RASGRP4: variants seen among roughly 807,000 people sequenced by gnomAD.
RASGRP4 encodes the protein RAS guanyl releasing protein 4, also known as RAS guanyl-releasing protein 4.
In RASGRP4, 52 loss-of-function variants were observed where a neutral mutation model predicts 84.4. The observed-to-expected ratio is 0.62, with a 90% confidence interval of 0.49 to 0.78. RASGRP4 has a LOEUF of 0.78. RASGRP4 is among the 30% of genes least tolerant of loss of function. The pLI, the probability that RASGRP4 is intolerant of heterozygous loss-of-function variation, is 0.00. For synonymous variants in RASGRP4, 356 were observed against 359.1 expected, an observed-to-expected ratio of 0.99 and a Z score of 0.10; for missense variants, 760 against 886.9, an observed-to-expected ratio of 0.86 and a Z score of 1.82.
Position 38,418,398 on chromosome 19 carries a change from A to G in RASGRP4, c.830T>C (p.Val277Ala), listed in dbSNP as rs1971595751. The change falls in exon 7 of 17, where the codon GTG (valine) becomes GCG (alanine). Residue 277 changes from valine (V) to alanine (A), a missense_variant. Transcript: ENST00000615439. The surrounding 1 kb of genome is among the most constrained non-coding windows in gnomAD (Gnocchi z 4.6). ...CCAAGGGGCGGGCCTCACCTGTGCC[A>G]CGTGAATGAACTTGTCCAGCACCTG... Reference protein sequence around the residue: ...RAQVLDKFIHVAQRLHQLQNF... With the variant: ...RAQVLDKFIHAAQRLHQLQNF... The G allele has an allele frequency of 6.2e-7, 1 of 1,605,394 alleles. No homozygotes were observed.
In RASGRP4 at chr19:38,413,560, C is replaced by T; in HGVS notation, c.1231-86G>A. The T allele has an allele frequency of 8.7e-7, 1 of 1,150,348 alleles. No homozygotes were observed. The highest frequency in any genetic ancestry group is 2.1e-5 in the Admixed American group (1 of 48,576). 71.3% of individuals were successfully genotyped at this position (1,150,348 alleles called of 1,614,324 possible). On this transcript the variant is annotated intron_variant, in intron 9 of 16. Transcript: ENST00000615439. The surrounding 1 kb of genome is among the most constrained non-coding windows in gnomAD (Gnocchi z 4.7). ...CCCACTCGCAGGCTCTTCCCAAAGC[C>T]CCTCCTGGGTTCAAATCCTGGCATT...
At position 38,412,841 on chromosome 19, in the gene RASGRP4, C is replaced by A. The variant is rs1199563499; in HGVS notation, c.1536-25G>T. On this transcript the variant is annotated intron_variant, in intron 12 of 16. Transcript: ENST00000615439. This position sits in a 1 kb window ranked among gnomAD's most constrained non-coding sequence, Gnocchi z 4.6. ...CCTGGGGGCAGAAACTGAGCCTCAG[C>A]ATGACCTGCCCCAACGTCCTCCAGA... is the stretch of plus-strand genomic sequence containing the variant. 1 of 1,610,692 alleles carries A rather than the reference C, an allele frequency of 6.2e-7. No homozygotes were observed. Among genetic ancestry groups the A allele is most frequent in the East Asian group, 2.2e-5 (1 of 44,818 alleles).
At chr19:38,425,970 GT>G in intron 1 of RASGRP4, 98 bp downstream of exon 1, 5 of 1,067,352 alleles carry the variant, frequency 4.7e-6, no homozygotes, top group Non-Finnish European at 6.2e-6. Context: ...TCCCAAAGAA[GT>G]CAGGAATCCT....
At chr19:38,425,675 G>C (rs1311467422) in intron 1 of RASGRP4, among the ~76,000 whole-genome samples, 1 of 152,162 alleles carries the variant, frequency 6.6e-6, no homozygotes, top group Non-Finnish European at 1.5e-5. Flanking sequence ...TGGTTTAAGA[G>C]GCAGGGGAGT....
At chr19:38,411,617 C>A (rs973681095) in intron 13 of RASGRP4, 2 of 529,852 alleles carry the variant, frequency 3.8e-6, no homozygotes, top group East Asian at 6.2e-5. Flanking sequence ...ATCGCTTGAG[C>A]TCAGGATTGG....
Position 38,418,580 on chromosome 19 carries a change from G to C in RASGRP4, c.664-16C>G, listed in dbSNP as rs1600567578. 1 of 1,495,826 alleles carries C rather than the reference G, an allele frequency of 6.7e-7. No homozygotes were observed. Among genetic ancestry groups the C allele is most frequent in the East Asian group, 2.5e-5 (1 of 40,164 alleles). The allele number at this position is 1,495,826 out of a possible 1,614,324, so 92.7% of individuals were successfully genotyped here. On this transcript the variant is annotated splice_polypyrimidine_tract_variant and intron_variant, in intron 6 of 16. Transcript: ENST00000615439. This position sits in a 1 kb window ranked among gnomAD's most constrained non-coding sequence, Gnocchi z 4.6. Reference sequence around the variant, plus strand: ...GGTCCTGGGGCTGGGAGCGAGGTGGGTGTCAAGGTGGGCCGTGGCGCTCAG... The same window carrying C: ...GGTCCTGGGGCTGGGAGCGAGGTGGCTGTCAAGGTGGGCCGTGGCGCTCAG...
rs1971277272 is a variant in RASGRP4 at position 38,412,068 on chromosome 19, T to G, written c.1680+604A>C. Among the ~76,000 whole-genome samples the G allele has an allele frequency of 6.6e-6, 1 of 151,768 alleles. No homozygotes were observed. The highest frequency in any genetic ancestry group is 6.6e-5 in the Admixed American group (1 of 15,190). ...CTGTTTGAACATAATCTACCCGGTT[T>G]GGAGATTATCCAGGTTTGTTGTTGT... is the stretch of plus-strand genomic sequence containing the variant. On this transcript the variant is annotated intron_variant, in intron 13 of 16. Transcript: ENST00000615439. This position sits in a 1 kb window ranked among gnomAD's most constrained non-coding sequence, Gnocchi z 4.6.
intron 13 of RASGRP4, 87 bp from the exon 14 acceptor site, chr19:38,411,468 A>G: frequency 7.9e-7 from 1 of 1,273,246 alleles, no homozygotes; most frequent in Non-Finnish European, 1.1e-6. Context: ...GAAGTGTGGA[A>G]GCTACCCAGG....
intron 1 of RASGRP4, among the ~76,000 whole-genome samples, chr19:38,425,702 A>G (rs1185545994): frequency 6.6e-6 from 1 of 152,106 alleles, no homozygotes; most frequent in Non-Finnish European, 1.5e-5. Flanking sequence ...GCCCTGTGCC[A>G]CACTCCCCTC....
intron 16 of RASGRP4, 133 bp from the exon 17 acceptor site, chr19:38,410,229 C>T (rs1971171911): frequency 3.1e-6 from 2 of 638,978 alleles, no homozygotes; most frequent in Non-Finnish European, 5.3e-6. Flanking sequence ...CCTGTGGAAT[C>T]CTTTTTGTAA....
Position 38,410,973 on chromosome 19 carries a change from C to T in RASGRP4, c.1878G>A (p.Thr626=), listed in dbSNP as rs941754104. The change falls in exon 16 of 17, where the codon ACG becomes ACA. Residue 626 remains threonine (T), a synonymous_variant. Coordinates refer to ENST00000615439, the MANE Select transcript of RASGRP4 (RefSeq NM_170604.3). ...ACCCAGTCTCAGGCTCCAGGGATAG[C>T]GTGTAGGAGTGATTTTCCTCGGAGC... The part of the protein sequence containing the change: ...SCGSEENHSY[T]LSLEPETGCQ... 1.0e-5 allele frequency: 16 copies of T among 1,601,564 alleles called. No individual in the cohort carries two copies. The highest frequency in any genetic ancestry group is 1.4e-5 in the Non-Finnish European group (16 of 1,174,246).
At chr19:38,424,385 G>T (rs1971897904) in intron 1 of RASGRP4, among the ~76,000 whole-genome samples, 1 of 152,042 alleles carries the variant, frequency 6.6e-6, no homozygotes, top group African/African-American at 2.4e-5. Context: ...CTCTGAAAGT[G>T]CTGGGATTAC....
In RASGRP4 at chr19:38,421,121, G is replaced by C; in HGVS notation, c.288C>G (p.Ala96=). Residue 96 remains alanine, a synonymous_variant, in exon 3 of 17, where the codon GCC becomes GCG. Transcript: ENST00000615439. ...AGGTCAGCAGGCGGGCAGCCAGGTC[G>C]GCGGACGGCAGCACCCAGCTGTGCA... The part of the protein sequence containing the change: ...LAMHSWVLPS[A]DLAARLLTSY... 6.2e-7 allele frequency: 1 copy of C among 1,613,786 alleles called. No homozygotes were observed. Among genetic ancestry groups the C allele is most frequent in the Non-Finnish European group, 8.5e-7 (1 of 1,179,792 alleles).
intron 2 of RASGRP4, among the ~76,000 whole-genome samples, chr19:38,421,752 A>T (rs1038526458): frequency 6.7e-6 from 1 of 148,400 alleles, no homozygotes; most frequent in Non-Finnish European, 1.5e-5. Flanking sequence ...TTATATAAAT[A>T]TATATAATAT....
chr19:38,420,169 G>T lies in RASGRP4; in HGVS notation c.471C>A (p.Gly157=). ...GRFWATVARE[G]NSAQRRLGDS... ...CTCCCAGTCTTCTCTGGGCTGAGTT[G>T]CCCTCCCGGGCCACGGTGGCCCAGA... Residue 157 remains glycine (G), a synonymous_variant, in exon 5 of 17, where the codon GGC becomes GGA. Transcript: ENST00000615439. 2 of 1,613,634 alleles carry T rather than the reference G, an allele frequency of 1.2e-6. No homozygotes were observed. Among genetic ancestry groups the T allele is most frequent in the Non-Finnish European group, 1.7e-6 (2 of 1,179,728 alleles).
At chr19:38,415,371 A>AT (rs35862695) in intron 8 of RASGRP4, among the ~76,000 whole-genome samples, 7,916 of 124,960 alleles carry the variant, frequency 0.063, 466 homozygotes, top group African/African-American at 0.14. Flanking sequence ...TTTCTTTTTG[A>AT]TTTTTTTTTT....
In RASGRP4 at chr19:38,417,828, G is replaced by T. The variant is rs892385132; in HGVS notation, c.837+563C>A. ...GGCCCTGCAGGAGTAAGCAAGCCAG[G>T]GAAGACACCAGAGGAAGGGCGTGGT... On this transcript the variant is annotated intron_variant, in intron 7 of 16. Coordinates refer to ENST00000615439, the MANE Select transcript of RASGRP4 (RefSeq NM_170604.3). This position sits in a 1 kb window ranked among gnomAD's most constrained non-coding sequence, Gnocchi z 5.1. Among the ~76,000 whole-genome samples, 10 of 152,176 alleles carry T rather than the reference G, an allele frequency of 6.6e-5. No individual in the cohort carries two copies. Among genetic ancestry groups the T allele is most frequent in the African/African-American group, 2.4e-4 (10 of 41,440 alleles).
chr19:38,426,034 G>T (rs2145256004), intron 1 of RASGRP4, 35 bp downstream of exon 1: 1 of 1,360,480 alleles, frequency 7.4e-7, no homozygotes, highest in East Asian at 2.9e-5. Context: ...GAGGCCTCAG[G>T]GTGCTGCCGG....
At chr19:38,416,899 G>T (rs1441248829) in intron 8 of RASGRP4, among the ~76,000 whole-genome samples, 153 bp downstream of exon 8, 1 of 152,208 alleles carries the variant, frequency 6.6e-6, no homozygotes, top group African/African-American at 2.4e-5. Context: ...GAGGAGGAAT[G>T]CTGGCAGAGC....
Sources: allele counts gnomAD v4.1 joint callset (sites outside exome capture counted in the v4.1 genomes callset), GRCh38; gene constraint gnomAD v4.1.1; non-coding constraint Gnocchi (gnomAD v3.1); transcripts MANE v1.5; gene names NCBI Gene and HGNC (gene_info 2026-07-23, HGNC 2026-07-21).